AGBL3: variants seen among roughly 807,000 people sequenced by gnomAD.
AGBL3 encodes the protein AGBL carboxypeptidase 3.
Under a neutral mutation model 94.5 loss-of-function variants are expected in AGBL3, and 68 were observed. That is an observed-to-expected ratio of 0.72 (90% CI 0.59 to 0.88). The LOEUF (loss-of-function observed/expected upper bound fraction) is 0.88, where lower values mean the gene tolerates loss of function less well. AGBL3 is among the 40% of genes least tolerant of loss of function. AGBL3 has a pLI of 0.00. For missense variants in AGBL3, 934 were observed against 1,103.8 expected, an observed-to-expected ratio of 0.85 and a Z score of 2.18; for synonymous variants, 354 against 370.7, an observed-to-expected ratio of 0.95 and a Z score of 0.52.
chr7:135,017,673 C>T (rs1584845988), intron 5 of AGBL3, among the ~76,000 whole-genome samples: 1 of 149,292 alleles, frequency 6.7e-6, no homozygotes, highest in South Asian at 2.2e-4. Flanking sequence ...GAAGTATAGA[C>T]TCCACATAAT....
chr7:135,131,457 A>AT (rs953161181), intron 16 of AGBL3, among the ~76,000 whole-genome samples: 22 of 114,518 alleles, frequency 1.9e-4, no homozygotes, highest in East Asian at 6.2e-4. Flanking sequence ...GGAAACAAAA[A>AT]TTAAAAAAAA....
At chr7:135,128,361 A>C in intron 16 of AGBL3, 1 of 400,688 alleles carries the variant, frequency 2.5e-6, no homozygotes, top group Non-Finnish European at 4.5e-6. Flanking sequence ...GTAAACTGTC[A>C]TGGCCCTGGT....
chr7:135,002,348 C>T (rs532399552), intron 4 of AGBL3, among the ~76,000 whole-genome samples: 15 of 152,200 alleles, frequency 9.9e-5, no homozygotes, highest in African/African-American at 3.6e-4. Flanking sequence ...CACTTACTTC[C>T]TCCAGTCATG....
intron 11 of AGBL3, among the ~76,000 whole-genome samples, chr7:135,049,680 A>G (rs1251063895): frequency 6.6e-6 from 1 of 151,764 alleles, no homozygotes; most frequent in Non-Finnish European, 1.5e-5. Context: ...TTCTTCTTCC[A>G]GATTATTTAG....
chr7:135,006,806 G>A (rs1812448338), intron 4 of AGBL3, among the ~76,000 whole-genome samples: 1 of 151,866 alleles, frequency 6.6e-6, no homozygotes, highest in South Asian at 2.1e-4. Context: ...TTAAAGGCTT[G>A]AATATTACCA....
At chr7:135,002,725 T>C (rs1401940040) in intron 4 of AGBL3, among the ~76,000 whole-genome samples, 1 of 152,124 alleles carries the variant, frequency 6.6e-6, no homozygotes, top group African/African-American at 2.4e-5. Context: ...ACAATGAGAG[T>C]ACCTATTTTC....
At chr7:135,000,222 A>T (rs939048631) in intron 4 of AGBL3, among the ~76,000 whole-genome samples, 3 of 152,194 alleles carry the variant, frequency 2.0e-5, no homozygotes, top group African/African-American at 7.2e-5. Flanking sequence ...ATAATGGTTA[A>T]TTTTATGTGT....
chr7:135,120,804 G>A (rs1827029690), intron 16 of AGBL3, among the ~76,000 whole-genome samples: 2 of 152,126 alleles, frequency 1.3e-5, no homozygotes, highest in African/African-American at 2.4e-5. Context: ...GTTAATATTA[G>A]GTAAAGTAGA....
intron 15 of AGBL3, among the ~76,000 whole-genome samples, chr7:135,104,806 G>A (rs1585139379): frequency 1.3e-5 from 2 of 150,482 alleles, no homozygotes; most frequent in East Asian, 3.9e-4. Flanking sequence ...ATTTGTTTAA[G>A]TTCTTTATAG....
chr7:135,130,309 T>G (rs954962280), intron 16 of AGBL3, among the ~76,000 whole-genome samples: 1 of 152,202 alleles, frequency 6.6e-6, no homozygotes, highest in African/African-American at 2.4e-5. Context: ...AAAAATATGT[T>G]TTAATACCAC....
At chr7:135,082,079 A>G (rs1820967746) in intron 15 of AGBL3, among the ~76,000 whole-genome samples, 1 of 152,100 alleles carries the variant, frequency 6.6e-6, no homozygotes, top group South Asian at 2.1e-4. Flanking sequence ...GGTTGACTAC[A>G]CTTGGTGACA....
chr7:135,133,067 GCACACACACA>G (rs55861736), intron 16 of AGBL3, among the ~76,000 whole-genome samples: 52,465 of 150,336 alleles, frequency 0.35, 9,318 homozygotes, highest in South Asian at 0.55. Context: ...ACGCATGCGT[GCACACACACA>G]CACACACACA....
chr7:135,035,878 C>G (rs1206238790), intron 7 of AGBL3, among the ~76,000 whole-genome samples: 1 of 152,014 alleles, frequency 6.6e-6, no homozygotes, highest in African/African-American at 2.4e-5. Flanking sequence ...GCCTTATAAT[C>G]TAGTTAGTTT....
At chr7:135,132,711 T>G (rs952289655) in intron 16 of AGBL3, among the ~76,000 whole-genome samples, 1 of 152,138 alleles carries the variant, frequency 6.6e-6, no homozygotes, top group African/African-American at 2.4e-5. Context: ...AAATAGGAGT[T>G]CCCCTGCATA....
chr7:135,129,400 GGTA>G, intron 16 of AGBL3: 1 of 816,976 alleles, frequency 1.2e-6, no homozygotes. Flanking sequence ...TTGGAACAAA[GGTA>G]TGATAAGAGG....
chr7:135,024,135 G>C (rs1484698106), intron 5 of AGBL3, among the ~76,000 whole-genome samples: 1 of 152,172 alleles, frequency 6.6e-6, no homozygotes. Flanking sequence ...GGTGTGGTGT[G>C]CCTGGGAGCC....
intron 16 of AGBL3, among the ~76,000 whole-genome samples, chr7:135,116,357 GA>G (rs1421201032): frequency 6.6e-6 from 1 of 152,046 alleles, no homozygotes; most frequent in Non-Finnish European, 1.5e-5. Context: ...CTTTATAAGT[GA>G]AAAACATGAC....
intron 15 of AGBL3, chr7:135,100,073 A>C (rs1366204928): frequency 6.6e-6 from 1 of 151,202 alleles, no homozygotes; most frequent in Non-Finnish European, 1.5e-5. Flanking sequence ...TTTTTAGTAG[A>C]GATGGGGTTT....
intron 5 of AGBL3, among the ~76,000 whole-genome samples, chr7:135,022,758 T>G (rs779375962): frequency 6.6e-6 from 1 of 152,172 alleles, no homozygotes; most frequent in Non-Finnish European, 1.5e-5. Flanking sequence ...TTAATGGTAT[T>G]GCCTAGGTTT....
Sources: allele counts gnomAD v4.1 joint callset (sites outside exome capture counted in the v4.1 genomes callset), GRCh38; gene constraint gnomAD v4.1.1; transcripts MANE v1.5; gene names NCBI Gene and HGNC (gene_info 2026-07-23, HGNC 2026-07-21).